Variants in KIAA0753 observed in about 807,000 individuals in gnomAD.
The protein encoded by KIAA0753 is protein moonraker.
In KIAA0753, 114 loss-of-function variants were observed where a neutral mutation model predicts 116.9. That is an observed-to-expected ratio of 0.98 (90% CI 0.84 to 1.14). The LOEUF (loss-of-function observed/expected upper bound fraction) is 1.14, where lower values mean the gene tolerates loss of function less well. Among genes scored for constraint, KIAA0753 ranks in the 50% most tolerant of loss-of-function variants. KIAA0753 has a pLI of 0.00. For synonymous variants in KIAA0753, 405 were observed against 413.1 expected (o/e 0.98, Z 0.24); for missense variants, 1,156 against 1,172.4 (o/e 0.99, Z 0.20).
At position 6,579,659 on chromosome 17, in the gene KIAA0753, T is replaced by A; in HGVS notation, c.*88A>T. The A allele has an allele frequency of 1.1e-6, 1 of 894,480 alleles. No homozygotes were observed. Among genetic ancestry groups the A allele is most frequent in the Non-Finnish European group, 1.8e-6 (1 of 542,436 alleles). The allele number at this position is 894,480 out of a possible 1,614,324, so 55.4% of individuals were successfully genotyped here. A position where few individuals can be genotyped will look rare whatever the true frequency, so the allele number is the denominator to read the frequency against. On this transcript the variant is annotated 3_prime_UTR_variant, in exon 19 of 19. Transcript: ENST00000361413. ...CACCTTCTGGGCCTGGATGGACAGC[T>A]GAGGATGAAAATTTCCTGTGGGCCA... is the stretch of plus-strand genomic sequence containing the variant.
intron 7 of KIAA0753, among the ~76,000 whole-genome samples, chr17:6,613,281 G>A (rs768056389): frequency 1.3e-5 from 2 of 152,098 alleles, no homozygotes; most frequent in African/African-American, 2.4e-5. Flanking sequence ...TAAAGGACAC[G>A]AAAGAAAATC....
chr17:6,600,981 C>T (rs1440807647), intron 12 of KIAA0753: 2 of 156,488 alleles, frequency 1.3e-5, no homozygotes, highest in Non-Finnish European at 2.8e-5. Context: ...CAAGTACTAA[C>T]CAGGCCCAAC....
At chr17:6,608,517 A>G (rs967604137) in intron 9 of KIAA0753, 53 bp from the exon 10 acceptor site, 3 of 1,020,466 alleles carry the variant, frequency 2.9e-6, no homozygotes, top group African/African-American at 3.3e-5. Context: ...GTATCCAATG[A>G]CTCATCCAAG....
rs2304976 is a variant in KIAA0753, at chr17:6,622,699, G to A, written c.1104+183C>T. 0.12 allele frequency among the ~76,000 whole-genome samples: 18,095 copies of A among 152,256 alleles called. 1,670 individuals are homozygous for A. The highest frequency in any genetic ancestry group is 0.36 in the East Asian group (1,889 of 5,182). On this transcript the variant is annotated intron_variant, in intron 6 of 18. Coordinates refer to ENST00000361413, the MANE Select transcript of KIAA0753 (RefSeq NM_014804.3). ...ACCAATTTTCGAAGCAGTGAAATAC[G>A]ATAATACAGACTACACTGTAAAAAT...
chr17:6,619,035 C>A (rs1380689349), intron 7 of KIAA0753, among the ~76,000 whole-genome samples: 1 of 152,074 alleles, frequency 6.6e-6, no homozygotes, highest in African/African-American at 2.4e-5. Flanking sequence ...TCAAGACCAG[C>A]CTGGCCAACG....
chr17:6,605,354 C>T (rs554979053), intron 12 of KIAA0753, among the ~76,000 whole-genome samples: 1 of 152,226 alleles, frequency 6.6e-6, no homozygotes, highest in Non-Finnish European at 1.5e-5. Flanking sequence ...CCTGACAAGG[C>T]TTCCTCCCGA....
intron 13 of KIAA0753, 104 bp from the exon 14 acceptor site, chr17:6,599,424 G>A (rs1969700437): frequency 1.3e-6 from 1 of 776,548 alleles, no homozygotes; most frequent in Non-Finnish European, 2.1e-6. Context: ...CTATTCATCA[G>A]CTTTAGCTAC....
intron 18 of KIAA0753, among the ~76,000 whole-genome samples, chr17:6,586,048 T>C (rs1968550496): frequency 1.4e-5 from 2 of 139,164 alleles, no homozygotes; most frequent in African/African-American, 6.2e-5. Context: ...AGAGGATCCC[T>C]CATGCTTTGG....
At chr17:6,586,081 G>A (rs969917554) in intron 18 of KIAA0753, among the ~76,000 whole-genome samples, 2 of 152,066 alleles carry the variant, frequency 1.3e-5, no homozygotes, top group African/African-American at 4.8e-5. Context: ...TCATGATAGT[G>A]AGTTCTCATG....
intron 9 of KIAA0753, among the ~76,000 whole-genome samples, chr17:6,609,738 T>G (rs73350241): frequency 0.023 from 3,575 of 152,290 alleles, 156 homozygotes; most frequent in African/African-American, 0.081. Context: ...GCCCCCCATC[T>G]TCCATTCAAT....
At chr17:6,580,857 A>G (rs1386301084) in intron 18 of KIAA0753, among the ~76,000 whole-genome samples, 1 of 150,758 alleles carries the variant, frequency 6.6e-6, no homozygotes, top group East Asian at 2.0e-4. Context: ...TCTGTAGGAG[A>G]CGGGGGAGGA....
rs16955959 is a variant in KIAA0753 at position 6,590,148 on chromosome 17, T to C, written c.2562-145A>G. 0.038 allele frequency: 26,157 copies of C among 693,730 alleles called. 879 individuals are homozygous for C. Among genetic ancestry groups the C allele is most frequent in the African/African-American group, 0.13 (7,252 of 55,522 alleles). The allele number at this position is 693,730 out of a possible 1,614,324, so 43.0% of individuals were successfully genotyped here. A position where few individuals can be genotyped will look rare whatever the true frequency, so the allele number is the denominator to read the frequency against. ...AACAAAACTGAACAACCTAACACCA[T>C]GCGTTGCTTCCCCTTTTCACGGAAC... On this transcript the variant is annotated intron_variant, in intron 17 of 18. Coordinates refer to ENST00000361413, the MANE Select transcript of KIAA0753 (RefSeq NM_014804.3).
intron 18 of KIAA0753, among the ~76,000 whole-genome samples, chr17:6,584,550 TTTC>T (rs982315166): frequency 1.4e-4 from 22 of 152,258 alleles, no homozygotes; most frequent in East Asian, 7.7e-4. Context: ...TGTATCTGTT[TTTC>T]TTCTTCTTCT....
At chr17:6,612,665 C>T (rs777899554) in intron 7 of KIAA0753, among the ~76,000 whole-genome samples, 6 of 152,124 alleles carry the variant, frequency 3.9e-5, no homozygotes, top group Non-Finnish European at 1.5e-5. Context: ...GTCAGGAGTT[C>T]GAGGCCAGCC....
chr17:6,589,147 C>T (rs1968799396), intron 18 of KIAA0753, among the ~76,000 whole-genome samples: 1 of 152,118 alleles, frequency 6.6e-6, no homozygotes, highest in Admixed American at 6.5e-5. Flanking sequence ...AGCCCTAACC[C>T]CCAATGTGGT....
chr17:6,605,156 G>A (rs140017228), intron 12 of KIAA0753, among the ~76,000 whole-genome samples: 134 of 150,334 alleles, frequency 8.9e-4, no homozygotes, highest in African/African-American at 3.2e-3. Flanking sequence ...CAAGTAAACT[G>A]AAGAAGATTA....
At chr17:6,595,089 A>C (rs1969370398) in intron 15 of KIAA0753, 36 bp from the exon 16 acceptor site, 1 of 1,450,288 alleles carries the variant, frequency 6.9e-7, no homozygotes, top group African/African-American at 1.4e-5. Flanking sequence ...ATTTATGAGA[A>C]AAAATGAGTT....
chr17:6,588,951 C>A (rs1387112819), intron 18 of KIAA0753, among the ~76,000 whole-genome samples: 1 of 152,122 alleles, frequency 6.6e-6, no homozygotes, highest in Non-Finnish European at 1.5e-5. Context: ...CTGATAAAAG[C>A]AAATTTGTCC....
At chr17:6,591,043 A>AGAAGGAAGAAG (rs1480196381) in intron 16 of KIAA0753, among the ~76,000 whole-genome samples, 8 of 32,670 alleles carry the variant, frequency 2.4e-4, no homozygotes, top group Middle Eastern at 0.015. Context: ...GGAAGAAGGA[A>AGAAGGAAGAAG]GAAGAAGAAG....
Sources: allele counts gnomAD v4.1 joint callset (sites outside exome capture counted in the v4.1 genomes callset), GRCh38; gene constraint gnomAD v4.1.1; transcripts MANE v1.5; gene names NCBI Gene and HGNC (gene_info 2026-07-23, HGNC 2026-07-21).